Variants in GALNT13 observed in about 807,000 individuals in gnomAD.
The protein encoded by GALNT13 is UDP-GalNAc:polypeptide N-acetylgalactosaminyltransferase 13.
GALNT13 carries 28 observed loss-of-function variants against 64.2 expected under a neutral mutation model. That is an observed-to-expected ratio of 0.44 (90% CI 0.32 to 0.60). The LOEUF is 0.60. Ranked by LOEUF, GALNT13 falls within the 20% of genes least tolerant of loss-of-function variation. The pLI, the probability that GALNT13 is intolerant of heterozygous loss-of-function variation, is 0.05. For synonymous variants in GALNT13, 214 were observed against 224.6 expected (o/e 0.95, Z 0.42); for missense variants, 577 against 669.8 (o/e 0.86, Z 1.53).
chr2:153,280,749 T>C, the GALNT13 span, among the ~76,000 whole-genome samples: 1 of 152,324 alleles, frequency 6.6e-6, no homozygotes, highest in African/African-American at 2.4e-5. Flanking sequence ...ATTTTGATTT[T>C]TTTGAAGTTA....
the GALNT13 span, among the ~76,000 whole-genome samples, chr2:153,710,991 A>G: frequency 6.6e-6 from 1 of 152,032 alleles, no homozygotes. Flanking sequence ...ATGTTTTTAA[A>G]AATATAAGCA....
the GALNT13 span, among the ~76,000 whole-genome samples, chr2:153,128,023 C>T: frequency 6.6e-6 from 1 of 152,068 alleles, no homozygotes. Context: ...TTTGTAGACA[C>T]AAAATGACTT....
At chr2:154,244,704 G>A (rs1689679357) in intron 6 of GALNT13, among the ~76,000 whole-genome samples, 1 of 152,082 alleles carries the variant, frequency 6.6e-6, no homozygotes, top group African/African-American at 2.4e-5. Context: ...AAATGAACAG[G>A]CATTAGATCA....
At chr2:154,130,047 T>C (rs1682521897) in intron 3 of GALNT13, among the ~76,000 whole-genome samples, 2 of 152,016 alleles carry the variant, frequency 1.3e-5, no homozygotes, top group Admixed American at 1.3e-4. Context: ...CATGCATCAG[T>C]AGGGTTATAA....
the GALNT13 span, among the ~76,000 whole-genome samples, chr2:153,241,380 A>G: frequency 6.6e-6 from 1 of 152,184 alleles, no homozygotes; most frequent in African/African-American, 2.4e-5. Context: ...TGTTATGTGC[A>G]TTTTGCTTTG....
At chr2:154,030,881 A>G (rs978726889) in intron 3 of GALNT13, among the ~76,000 whole-genome samples, 2 of 152,154 alleles carry the variant, frequency 1.3e-5, no homozygotes, top group East Asian at 1.9e-4. Flanking sequence ...CTGTGTGTCA[A>G]TTAACCCTCT....
chr2:154,437,327 A>C, intron 11 of GALNT13: 1 of 214,276 alleles, frequency 4.7e-6, no homozygotes, highest in Non-Finnish European at 9.5e-6. Flanking sequence ...AATGCTGCAG[A>C]GGCAACTCTT....
At chr2:153,170,916 G>T in the GALNT13 span, among the ~76,000 whole-genome samples, 285 of 152,286 alleles carry the variant, frequency 1.9e-3, no homozygotes, top group Non-Finnish European at 3.4e-3. Context: ...AACAAAGTAA[G>T]GTTCTGAATA....
intron 2 of GALNT13, among the ~76,000 whole-genome samples, chr2:153,939,045 C>T (rs1290203837): frequency 6.6e-6 from 1 of 151,608 alleles, no homozygotes; most frequent in Non-Finnish European, 1.5e-5. Flanking sequence ...GAAAGGGGGA[C>T]AAATAAGAAA....
At chr2:153,392,046 AAT>A in the GALNT13 span, among the ~76,000 whole-genome samples, 3 of 148,318 alleles carry the variant, frequency 2.0e-5, no homozygotes, top group East Asian at 3.9e-4. Flanking sequence ...TGATTTATAT[AAT>A]ATATGTGATT....
At position 154,105,819 on chromosome 2, in the gene GALNT13, G is replaced by A. The variant is rs138095211; in HGVS notation, c.143-34518G>A. Reference sequence around the variant, plus strand: ...GAATATTGAGTACTTGAAATGTGCAGTGAAGAGACTAAATTTTTATTTTAT... The same window carrying A: ...GAATATTGAGTACTTGAAATGTGCAATGAAGAGACTAAATTTTTATTTTAT... On this transcript the variant is annotated intron_variant, in intron 3 of 12. Transcript: ENST00000392825. 2.4e-3 allele frequency among the ~76,000 whole-genome samples: 372 copies of A among 152,286 alleles called. 4 individuals carry two copies. The highest frequency in any genetic ancestry group is 8.1e-3 in the African/African-American group (338 of 41,566).
chr2:153,757,396 C>T, the GALNT13 span, among the ~76,000 whole-genome samples: 5 of 152,256 alleles, frequency 3.3e-5, no homozygotes, highest in Middle Eastern at 3.4e-3. Flanking sequence ...GTATATACTA[C>T]GTTTTTGTCC....
the GALNT13 span, among the ~76,000 whole-genome samples, chr2:153,175,277 G>T: frequency 4.6e-5 from 7 of 152,124 alleles, no homozygotes; most frequent in Non-Finnish European, 7.3e-5. Flanking sequence ...CTTTGTAGGG[G>T]AGATTAAAAC....
chr2:153,265,928 G>A, the GALNT13 span, among the ~76,000 whole-genome samples: 1 of 151,986 alleles, frequency 6.6e-6, no homozygotes, highest in South Asian at 2.1e-4. Context: ...ATCTAGTGTG[G>A]GTAAAATGCT....
intron 4 of GALNT13, among the ~76,000 whole-genome samples, chr2:154,148,468 A>G (rs1558986885): frequency 6.6e-6 from 1 of 152,158 alleles, no homozygotes; most frequent in Non-Finnish European, 1.5e-5. Flanking sequence ...GTCAAATGGT[A>G]TTTCTAGTTC....
At chr2:153,141,360 T>C in the GALNT13 span, among the ~76,000 whole-genome samples, 1 of 151,958 alleles carries the variant, frequency 6.6e-6, no homozygotes, top group Non-Finnish European at 1.5e-5. Flanking sequence ...CTCTGCCCTA[T>C]GAATGAGCAG....
chr2:153,963,343 T>C (rs1055042840), intron 3 of GALNT13, among the ~76,000 whole-genome samples: 1 of 152,192 alleles, frequency 6.6e-6, no homozygotes. Context: ...GACATTTAGG[T>C]CGTTTCCATC....
the GALNT13 span, among the ~76,000 whole-genome samples, chr2:153,095,440 A>G: frequency 6.8e-3 from 1,039 of 152,320 alleles, 9 homozygotes; most frequent in African/African-American, 0.023. Context: ...CTGTTGATGG[A>G]ACTGTAAACT....
At chr2:153,152,237 A>C in the GALNT13 span, among the ~76,000 whole-genome samples, 1 of 151,982 alleles carries the variant, frequency 6.6e-6, no homozygotes, top group Non-Finnish European at 1.5e-5. Flanking sequence ...ATGCTGATTT[A>C]GCAAATCTCA....
Sources: gnomAD v4.1 joint callset for allele counts (sites outside exome capture counted in the v4.1 genomes callset) on GRCh38, gnomAD v4.1.1 for gene constraint, MANE v1.5 for transcripts, NCBI Gene and HGNC (gene_info 2026-07-23, HGNC 2026-07-21) for gene names.